The following CCDC40 variants were observed in gnomAD, a reference collection of about 807,000 sequenced individuals.
CCDC40 encodes the protein coiled-coil domain 40 molecular ruler complex subunit.
Under a neutral mutation model 124.5 loss-of-function variants are expected in CCDC40, and 104 were observed. The ratio of observed to expected loss-of-function variants is 0.84; its 90% CI spans 0.71 to 0.98. CCDC40 has a LOEUF of 0.98. CCDC40 is among the 50% of genes least tolerant of loss of function. The pLI is 0.00. For missense variants in CCDC40, 1,463 were observed against 1,503.9 expected (o/e 0.97, Z 0.45); for synonymous variants, 580 against 602.9 (o/e 0.96, Z 0.56).
chr17:80,076,438 G>T (rs60989443), intron 10 of CCDC40, among the ~76,000 whole-genome samples: 47 of 152,122 alleles, frequency 3.1e-4, no homozygotes, highest in East Asian at 2.5e-3. Flanking sequence ...GCCAGGTGTG[G>T]TGGTGTGCAC....
In CCDC40 at chr17:80,095,506, G is replaced by A. The variant is rs916013056; in HGVS notation, c.3021+55G>A. On this transcript the variant is annotated intron_variant, in intron 18 of 19. Coordinates refer to ENST00000397545, the MANE Select transcript of CCDC40 (RefSeq NM_017950.4). ...CCTGCTCCTCTCTCTGGGATTCAAG[G>A]AACACTCCAGGAAGGCGTCTTGCTG... is the stretch of plus-strand genomic sequence containing the variant. 11 of 1,562,692 alleles carry A rather than the reference G, an allele frequency of 7.0e-6. No homozygotes were observed. In the Admixed American group the frequency reaches 1.4e-4, roughly 20 times the overall value.
intron 2 of CCDC40, among the ~76,000 whole-genome samples, chr17:80,038,686 A>C (rs1053916130): frequency 3.6e-5 from 5 of 137,284 alleles, no homozygotes; most frequent in Non-Finnish European, 7.9e-5. Context: ...TTTGCCAGGC[A>C]TGGTGGTTCA....
At chr17:80,055,221 G>T (rs1052010852) in intron 7 of CCDC40, among the ~76,000 whole-genome samples, 1 of 152,098 alleles carries the variant, frequency 6.6e-6, no homozygotes, top group Non-Finnish European at 1.5e-5. Context: ...TGTTTTGGAG[G>T]CTCCAGCAAC....
chr17:80,044,062 C>T (rs528817427), intron 3 of CCDC40, among the ~76,000 whole-genome samples: 1 of 152,236 alleles, frequency 6.6e-6, no homozygotes, highest in Non-Finnish European at 1.5e-5. Context: ...ATGGGATAGA[C>T]ACTGTTCTGT....
At chr17:80,036,733 C>G in intron 1 of CCDC40, 42 bp downstream of exon 1, 1 of 1,458,266 alleles carries the variant, frequency 6.9e-7, no homozygotes, top group Non-Finnish European at 9.1e-7. Flanking sequence ...AGTCGCCAGG[C>G]CGCGCTCTCC....
In CCDC40 at chr17:80,089,982, T is replaced by C. The variant is rs2038668394; in HGVS notation, c.2832+98T>C. 2.6e-6 allele frequency: 4 copies of C among 1,553,884 alleles called. No individual in the cohort carries two copies. In the African/African-American group the frequency reaches 4.1e-5, roughly 16 times the overall value. ...AAGGCCTCGGCTCTCCCGGGGCTCC[T>C]GTGGGAACCACACTGGCCACATTGG... is the stretch of plus-strand genomic sequence containing the variant. On this transcript the variant is annotated intron_variant, in intron 17 of 19. Transcript: ENST00000397545.
chr17:80,090,269 A>C lies in CCDC40; in HGVS notation c.2832+385A>C. 1.3e-5 allele frequency: 16 copies of C among 1,269,978 alleles called. 7 individuals are homozygous for C. Among genetic ancestry groups the C allele is most frequent in the Admixed American group, 4.8e-5 (2 of 41,650 alleles). The allele number at this position is 1,269,978 out of a possible 1,614,324, so 78.7% of individuals were successfully genotyped here. On this transcript the variant is annotated intron_variant, in intron 17 of 19. Transcript: ENST00000397545. ...CGAACAACACGGGACGCGCGCGGGCACGTGCACGAACAACACGGGACGCGC... is the reference window on the plus strand; with the variant it reads ...CGAACAACACGGGACGCGCGCGGGCCCGTGCACGAACAACACGGGACGCGC...
chr17:80,068,225 G>T (rs1598515302), intron 10 of CCDC40, among the ~76,000 whole-genome samples: 1 of 152,126 alleles, frequency 6.6e-6, no homozygotes, highest in Admixed American at 6.5e-5. Flanking sequence ...GTAGAGACGG[G>T]GTTTCACCAT....
At chr17:80,053,872 G>A (rs2037669391) in intron 7 of CCDC40, among the ~76,000 whole-genome samples, 1 of 152,174 alleles carries the variant, frequency 6.6e-6, no homozygotes, top group African/African-American at 2.4e-5. Context: ...AATTCTAAGG[G>A]AGAAGGATGG....
chr17:80,081,747 C>T lies in CCDC40; in HGVS notation c.1764C>T (p.Leu588=). The change falls in exon 11 of 20, where the codon CTC becomes CTT. Residue 588 remains leucine, a synonymous_variant. Coordinates refer to ENST00000397545, the MANE Select transcript of CCDC40 (RefSeq NM_017950.4). The part of the protein sequence containing the change: ...ALQSQFNTYR[L]TLQDTEDALS... ...AGAGCCAGTTCAATACCTACAGGCT[C>T]ACCCTGCAGGACACAGAGGATGCCC... 6.2e-7 allele frequency: 1 copy of T among 1,614,066 alleles called. No homozygotes were observed. Among genetic ancestry groups the T allele is most frequent in the Non-Finnish European group, 8.5e-7 (1 of 1,180,012 alleles).
intron 10 of CCDC40, among the ~76,000 whole-genome samples, chr17:80,080,660 G>A (rs939354294): frequency 3.9e-5 from 6 of 152,168 alleles, no homozygotes; most frequent in Non-Finnish European, 7.3e-5. Flanking sequence ...AAGGTGGGCA[G>A]ATGAGAACCC....
At chr17:80,076,169 T>C (rs2038305919) in intron 10 of CCDC40, among the ~76,000 whole-genome samples, 1 of 152,198 alleles carries the variant, frequency 6.6e-6, no homozygotes, top group Admixed American at 6.6e-5. Context: ...AGGTCTTGCG[T>C]GGGTAAAATC....
chr17:80,052,811 G>A (rs2037635437), intron 7 of CCDC40, among the ~76,000 whole-genome samples: 1 of 151,362 alleles, frequency 6.6e-6, no homozygotes, highest in Non-Finnish European at 1.5e-5. Context: ...ATCCCAGAGT[G>A]TGCAGAGGCG....
At chr17:80,077,323 C>G (rs1406050329) in intron 10 of CCDC40, among the ~76,000 whole-genome samples, 1 of 152,040 alleles carries the variant, frequency 6.6e-6, no homozygotes, top group African/African-American at 2.4e-5. Context: ...GAGTTTGAGA[C>G]CAGCCTGGGC....
chr17:80,077,038 A>ATTAG (rs1399017357), intron 10 of CCDC40, among the ~76,000 whole-genome samples: 1 of 152,072 alleles, frequency 6.6e-6, no homozygotes, highest in Non-Finnish European at 1.5e-5. Flanking sequence ...GCCCAGCCTA[A>ATTAG]AGTAAGTACA....
chr17:80,083,651 G>T (rs940916867), intron 12 of CCDC40, among the ~76,000 whole-genome samples: 6 of 152,188 alleles, frequency 3.9e-5, no homozygotes, highest in Non-Finnish European at 8.8e-5. Flanking sequence ...CACCATTGCA[G>T]CTGTGACTGC....
At chr17:80,052,664 A>C (rs2037631533) in intron 7 of CCDC40, among the ~76,000 whole-genome samples, 1 of 152,238 alleles carries the variant, frequency 6.6e-6, no homozygotes, top group South Asian at 2.1e-4. Context: ...CAGACAGGCA[A>C]ACCCAGCCCT....
At position 80,048,665 on chromosome 17, in the gene CCDC40, C is replaced by T. The variant is rs183808038; in HGVS notation, c.759C>T (p.Thr253=). The change falls in exon 5 of 20, where the codon ACC becomes ACT. Residue 253 remains threonine, a synonymous_variant. Coordinates refer to ENST00000397545, the MANE Select transcript of CCDC40 (RefSeq NM_017950.4). Reference sequence around the variant, plus strand: ...AGGACCAGATCCAGCAGCCCAGCACCGAGGAGGGGGCCATGGCAGAGAGAG... The same window carrying T: ...AGGACCAGATCCAGCAGCCCAGCACTGAGGAGGGGGCCATGGCAGAGAGAG... The part of the protein sequence containing the change: ...VFQDQIQQPS[T]EEGAMAERVE... 24 of 1,614,104 alleles carry T rather than the reference C, an allele frequency of 1.5e-5. No homozygotes were observed. The highest frequency in any genetic ancestry group is 2.2e-5 in the South Asian group (2 of 91,082).
intron 16 of CCDC40, 25 bp from the exon 17 acceptor site, chr17:80,089,739 T>C (rs2038662493): frequency 3.7e-6 from 6 of 1,614,078 alleles, no homozygotes; most frequent in Non-Finnish European, 5.1e-6. Context: ...CCTAATTTCT[T>C]ACACTGCCTC....
Sources: allele counts gnomAD v4.1 joint callset (sites outside exome capture counted in the v4.1 genomes callset), GRCh38; gene constraint gnomAD v4.1.1; transcripts MANE v1.5; gene names NCBI Gene and HGNC (gene_info 2026-07-23, HGNC 2026-07-21).